Variants in PIWIL1 observed in about 807,000 individuals in gnomAD.
PIWIL1 encodes the protein piwi like RNA-mediated gene silencing 1, also known as piwi-like protein 1.
In PIWIL1, 73 loss-of-function variants were observed where a neutral mutation model predicts 114.4. That is an observed-to-expected ratio of 0.64 (90% confidence interval 0.53 to 0.78). PIWIL1 has a LOEUF of 0.78. Among genes scored for constraint, PIWIL1 ranks in the 30% least tolerant of loss-of-function variants. PIWIL1 has a pLI of 0.00. For synonymous variants in PIWIL1, 375 were observed against 369.0 expected (o/e 1.02, Z -0.19); for missense variants, 723 against 1,063.1 (o/e 0.68, Z 4.45).
At chr12:130,407,938 T>C in the PIWIL1 span, 1 of 956,894 alleles carries the variant, frequency 1.0e-6, no homozygotes, top group Non-Finnish European at 1.7e-6. Flanking sequence ...GACCTGGCAC[T>C]GCTAACAGGG....
chr12:130,355,337 G>A (rs1020153766), intron 11 of PIWIL1, among the ~76,000 whole-genome samples: 26 of 152,092 alleles, frequency 1.7e-4, no homozygotes, highest in Non-Finnish European at 2.9e-4. Flanking sequence ...AGAAAGTTTG[G>A]GCATCAGAAT....
At chr12:130,375,554 A>T (rs1409232522), downstream of PIWIL1, among the ~76,000 whole-genome samples, 1 of 152,198 alleles carries the variant, frequency 6.6e-6, no homozygotes, top group Non-Finnish European at 1.5e-5. Context: ...CGGCCAGAGC[A>T]CACCCCACCT....
intron 12 of PIWIL1, 52 bp from the exon 13 acceptor site, chr12:130,356,866 G>T: frequency 7.6e-7 from 1 of 1,316,356 alleles, no homozygotes. Flanking sequence ...TGTTTGGCTT[G>T]ATCACTGAGA....
downstream of PIWIL1, among the ~76,000 whole-genome samples, chr12:130,375,032 C>A (rs1463087680): frequency 6.6e-6 from 1 of 151,984 alleles, no homozygotes; most frequent in African/African-American, 2.4e-5. Context: ...GACACCCCGA[C>A]CCCCGCAAAA....
chr12:130,359,620 T>C (rs563329943), intron 14 of PIWIL1, among the ~76,000 whole-genome samples: 2 of 152,308 alleles, frequency 1.3e-5, no homozygotes, highest in Non-Finnish European at 2.9e-5. Flanking sequence ...ACTTCAGCTC[T>C]CCTTATTTTT....
At chr12:130,363,615 T>TC (rs2073574815) in intron 18 of PIWIL1, among the ~76,000 whole-genome samples, 1 of 118,108 alleles carries the variant, frequency 8.5e-6, no homozygotes, top group South Asian at 2.9e-4. Context: ...TTTCTCCCTT[T>TC]TTTTTTTTTT....
At chr12:130,341,877 T>A (rs1460183493) in intron 1 of PIWIL1, among the ~76,000 whole-genome samples, 1 of 152,186 alleles carries the variant, frequency 6.6e-6, no homozygotes, top group Non-Finnish European at 1.5e-5. Flanking sequence ...ACCATCATGA[T>A]GTTGAAGAAA....
At chr12:130,366,700 A>G (rs554418967) in intron 18 of PIWIL1, 3 of 159,906 alleles carry the variant, frequency 1.9e-5, no homozygotes, top group African/African-American at 7.2e-5. Context: ...TGTATCCCCG[A>G]TATATAGTGA....
chr12:130,370,355 G>A (rs1008328209), intron 19 of PIWIL1, among the ~76,000 whole-genome samples: 1 of 151,716 alleles, frequency 6.6e-6, no homozygotes, highest in Admixed American at 6.6e-5. Flanking sequence ...AAAAATACTT[G>A]GAAAAAAGTC....
intron 9 of PIWIL1, among the ~76,000 whole-genome samples, chr12:130,350,514 T>C (rs2073185000): frequency 6.6e-6 from 1 of 152,210 alleles, no homozygotes; most frequent in Non-Finnish European, 1.5e-5. Context: ...GATTCTAGTT[T>C]TGAAAAGATC....
At chr12:130,347,182 T>A in intron 6 of PIWIL1, 120 bp downstream of exon 6, 1 of 730,198 alleles carries the variant, frequency 1.4e-6, no homozygotes, top group Non-Finnish European at 2.3e-6. Flanking sequence ...TGAGTTTCTC[T>A]GTATTGCAGT....
chr12:130,413,820 T>A, the PIWIL1 span, among the ~76,000 whole-genome samples: 1 of 152,070 alleles, frequency 6.6e-6, no homozygotes, highest in Non-Finnish European at 1.5e-5. Context: ...GACTGACAAG[T>A]GTTGTTTTAA....
chr12:130,339,855 G>T (rs890680768), intron 1 of PIWIL1, among the ~76,000 whole-genome samples: 6 of 152,186 alleles, frequency 3.9e-5, no homozygotes, highest in Admixed American at 6.5e-5. Context: ...TCCAGATGCT[G>T]CCCGTCAGGG....
chr12:130,384,462 C>T, the PIWIL1 span, among the ~76,000 whole-genome samples: 3 of 152,188 alleles, frequency 2.0e-5, no homozygotes, highest in African/African-American at 7.2e-5. Context: ...CGCTGAGTAC[C>T]AGCACATAGG....
chr12:130,365,197 CACTT>C (rs1180465628), intron 18 of PIWIL1, among the ~76,000 whole-genome samples: 1 of 152,154 alleles, frequency 6.6e-6, no homozygotes, highest in East Asian at 1.9e-4. Flanking sequence ...CTTGGGCTGA[CACTT>C]AGTGCACTGT....
At chr12:130,398,965 A>C in the PIWIL1 span, 1 of 374,378 alleles carries the variant, frequency 2.7e-6, no homozygotes. Context: ...GTAATATTCT[A>C]ATTATTTAGG....
the PIWIL1 span, among the ~76,000 whole-genome samples, chr12:130,389,550 G>A: frequency 2.0e-5 from 3 of 151,424 alleles, no homozygotes; most frequent in South Asian, 6.3e-4. Flanking sequence ...TTTTTTTCTG[G>A]GTTTTCTAAT....
chr12:130,393,395 G>A, the PIWIL1 span, among the ~76,000 whole-genome samples: 71 of 131,964 alleles, frequency 5.4e-4, no homozygotes, highest in East Asian at 1.1e-3. Context: ...CCCAGTCACC[G>A]TCATCACGTG....
intron 18 of PIWIL1, among the ~76,000 whole-genome samples, chr12:130,365,313 C>T (rs1465435916): frequency 2.6e-5 from 4 of 152,114 alleles, no homozygotes; most frequent in African/African-American, 9.7e-5. Flanking sequence ...GCTTTAGCTT[C>T]GTTTGTAGAA....
Sources: gnomAD v4.1 joint callset for allele counts (sites outside exome capture counted in the v4.1 genomes callset) on GRCh38, gnomAD v4.1.1 for gene constraint, MANE v1.5 for transcripts, NCBI Gene and HGNC (gene_info 2026-07-23, HGNC 2026-07-21) for gene names.